FLG2: variants seen among roughly 807,000 people sequenced by gnomAD.
FLG2 encodes filaggrin-2.
In FLG2, 7 loss-of-function variants were observed where a neutral mutation model predicts 3.9. The ratio of observed to expected loss-of-function variants is 1.79; its 90% confidence interval spans 1.02 to 3.36. The LOEUF is 3.36. Ranked by LOEUF, FLG2 falls within the 30% of genes most tolerant of loss-of-function variation. The pLI is 0.00. For synonymous variants in FLG2, 1,031 were observed against 1,056.1 expected (o/e 0.98, Z 0.46); for missense variants, 2,700 against 2,809.4 (o/e 0.96, Z 0.88).
In FLG2 at chr1:152,356,183, C is replaced by T. The variant is rs1654222721; in HGVS notation, c.1603G>A (p.Glu535Lys). ...TAGCTAGACTGACGTGATCTAGACTCATGTTGTCCAAAACCAGAGGATTGT... is the reference window on the plus strand; with the variant it reads ...TAGCTAGACTGACGTGATCTAGACTTATGTTGTCCAAAACCAGAGGATTGT... ...SGQSSGFGQH[E>K]SRSRQSSYGQ... The change falls in exon 3 of 3, where the codon GAG (glutamate) becomes AAG (lysine). Residue 535 changes from glutamate (E) to lysine (K), a missense_variant. Transcript: ENST00000388718. 1.2e-6 allele frequency: 2 copies of T among 1,613,846 alleles called. No individual in the cohort carries two copies. Among genetic ancestry groups the T allele is most frequent in the South Asian group, 1.1e-5 (1 of 91,074 alleles).
Position 152,351,288 on chromosome 1 carries a change from T to A in FLG2, c.6498A>T (p.Thr2166=). The change falls in exon 3 of 3, where the codon ACA becomes ACT. Residue 2166 remains threonine, a synonymous_variant. Coordinates refer to ENST00000388718, the MANE Select transcript of FLG2 (RefSeq NM_001014342.3). ...RHGQSGHGQS[T]QTGSRTTGRQ... is the part of the protein sequence containing the mutation. The stretch of plus-strand genomic sequence containing the variant: ...TTCCAGTTGTCCTGGAACCTGTCTG[T>A]GTGGACTGTCCATGACCAGACTGGC... 6.2e-7 allele frequency: 1 copy of A among 1,614,052 alleles called. No individual in the cohort carries two copies. Among genetic ancestry groups the A allele is most frequent in the Non-Finnish European group, 8.5e-7 (1 of 1,180,004 alleles).
At position 152,356,375 on chromosome 1, in the gene FLG2, A is replaced by T. The variant is rs575227928; in HGVS notation, c.1411T>A (p.Ser471Thr). The change falls in exon 3 of 3, where the codon TCT becomes ACT. Residue 471 changes from serine (S) to threonine (T), a missense_variant. By Grantham distance (58) the Ser-to-Thr change is moderately conservative (BLOSUM62 1). Coordinates refer to ENST00000388718, the MANE Select transcript of FLG2 (RefSeq NM_001014342.3). ...AAGCCAGATGTCTTACCTGAGCTAG[A>T]CCCATGCTGGTCATAGCCCAAGGAT... ...SQSLGYDQHGSSSGKTSGFGQ... is the reference protein window; with the variant it reads ...SQSLGYDQHGTSSGKTSGFGQ... 7 of 1,614,188 alleles carry T rather than the reference A, an allele frequency of 4.3e-6. No individual in the cohort carries two copies. The African/African-American group carries it at 8.0e-5, about 18-fold the overall frequency.
In FLG2 at chr1:152,350,622, C is replaced by T; in HGVS notation, c.7164G>A (p.Leu2388=). 8 of 1,613,176 alleles carry T rather than the reference C, an allele frequency of 5.0e-6. No individual in the cohort carries two copies. Among genetic ancestry groups the T allele is most frequent in the Middle Eastern group, 1.7e-4 (1 of 6,056 alleles). ...TAGAAAATAACTGTCAATGTCTAGACAGTTGCTTGTTTGCAGTGCTGTCTG... is the reference window on the plus strand; with the variant it reads ...TAGAAAATAACTGTCAATGTCTAGATAGTTGCTTGTTTGCAGTGCTGTCTG... ...WSTDSTANKQ[L]SRH Residue 2388 remains leucine (L), a synonymous_variant, in exon 3 of 3, where the codon CTG becomes CTA. Transcript: ENST00000388718.
In FLG2 at chr1:152,350,614, T is replaced by C. The variant is rs746203149; in HGVS notation, c.7172A>G (p.His2391Arg). Residue 2391 changes from histidine (H) to arginine (R), a missense_variant, in exon 3 of 3, where the codon CAT becomes CGT. Transcript: ENST00000388718. ...GTCAGAACTAGAAAATAACTGTCAA[T>C]GTCTAGACAGTTGCTTGTTTGCAGT... Reference protein sequence around the residue: ...DSTANKQLSRH With the variant: ...DSTANKQLSRR The C allele has an allele frequency of 7.3e-5, 118 of 1,612,312 alleles. No homozygotes were observed. Among genetic ancestry groups the C allele is most frequent in the Non-Finnish European group, 9.8e-5 (116 of 1,179,208 alleles).
chr1:152,351,603 T>C lies in FLG2; in HGVS notation c.6183A>G (p.Ser2061=). The C allele has an allele frequency of 6.2e-7, 1 of 1,611,454 alleles. No homozygotes were observed. The highest frequency in any genetic ancestry group is 8.5e-7 in the Non-Finnish European group (1 of 1,179,456). The change falls in exon 3 of 3, where the codon TCA becomes TCG. Residue 2061 remains serine (S), a synonymous_variant. Transcript: ENST00000388718. ...HGQAGSQHGE[S]GSSVHERHGT... ...CGTGTCTCTCATGAACTGAGGATCC[T>C]GACTCTCCATGTTGAGATCCGGCTT...
At position 152,355,217 on chromosome 1, in the gene FLG2, C is replaced by A; in HGVS notation, c.2569G>T (p.Gly857Cys). 4 of 1,609,994 alleles carry A rather than the reference C, an allele frequency of 2.5e-6. No individual in the cohort carries two copies. Among genetic ancestry groups the A allele is most frequent in the Non-Finnish European group, 3.4e-6 (4 of 1,178,982 alleles). The change falls in exon 3 of 3, where the codon GGC becomes TGC. Residue 857 changes from glycine to cysteine, a missense_variant. Gly to Cys is a radical substitution (Grantham distance 159). Transcript: ENST00000388718. ...QHGSGSSQSS[G>C]YGQHGSSSGQ... ...GAACTTGACCCATGTTGACCATAGC[C>A]AGATGATTGACTTGAGCCAGAACCA... is the stretch of plus-strand genomic sequence containing the variant.
Position 152,353,024 on chromosome 1 carries a change from C to T in FLG2, c.4762G>A (p.Gly1588Ser), listed in dbSNP as rs1235255995. The T allele has an allele frequency of 6.2e-7, 1 of 1,613,068 alleles. No homozygotes were observed. The highest frequency in any genetic ancestry group is 1.7e-5 in the Admixed American group (1 of 59,946). ...ESTDSEVHSG[G>S]SHRPHSREHT... The stretch of plus-strand genomic sequence containing the variant: ...TCTCGTGAGTGTGGTCTGTGTGAGC[C>T]CCCTGAGTGCACTTCACTGTCAGTG... The change falls in exon 3 of 3, where the codon GGC becomes AGC. Residue 1588 changes from glycine to serine, a missense_variant. Transcript: ENST00000388718.
Position 152,353,318 on chromosome 1 carries a change from C to T in FLG2, c.4468G>A (p.Gly1490Arg). 1 of 1,613,156 alleles carries T rather than the reference C, an allele frequency of 6.2e-7. No individual in the cohort carries two copies. The highest frequency in any genetic ancestry group is 8.5e-7 in the Non-Finnish European group (1 of 1,179,864). ...CCCCTTCTTCCAGTTGTACTGGACC[C>T]TCTCTGTGTGGATTTTCCATGATGA... ...HYHHGKSTQR[G>R]SSTTGRRGSG... Residue 1490 changes from glycine (G) to arginine (R), a missense_variant, in exon 3 of 3, where the codon GGG becomes AGG. Physicochemically the swap from Gly to Arg is moderately radical, Grantham distance 125. Transcript: ENST00000388718.
rs150398186 is a variant in FLG2, at chr1:152,353,184, G to T, written c.4602C>A (p.Ser1534=). 110 of 1,612,898 alleles carry T rather than the reference G, an allele frequency of 6.8e-5. No individual in the cohort carries two copies. In the African/African-American group the frequency reaches 1.3e-3, roughly 19 times the overall value. ...QSGSQHGESE[S]IIHDRHRITH... ...TAATTCTGTGTCTGTCATGAATTAT[G>T]GATTCTGACTCTCCATGTTGAGATC... Residue 1534 remains serine, a synonymous_variant, in exon 3 of 3, where the codon TCC becomes TCA. Coordinates refer to ENST00000388718, the MANE Select transcript of FLG2 (RefSeq NM_001014342.3).
In FLG2 at chr1:152,354,664, T is replaced by C. The variant is rs148036681; in HGVS notation, c.3122A>G (p.His1041Arg). ...SSGQYSGFGQ[H>R]GSGSDQSSGF... Reference sequence around the variant, plus strand: ...AGAGGACTGATCTGAGCCTGATCCATGTTGTCCAAAGCCTGAGTATTGGCC... The same window carrying C: ...AGAGGACTGATCTGAGCCTGATCCACGTTGTCCAAAGCCTGAGTATTGGCC... Residue 1041 changes from histidine to arginine, a missense_variant, in exon 3 of 3, where the codon CAT becomes CGT. Physicochemically the swap from His to Arg is conservative, Grantham distance 29. Transcript: ENST00000388718. The C allele has an allele frequency of 4.6e-4, 737 of 1,614,102 alleles. 2 individuals are homozygous for C. In the East Asian group the frequency reaches 0.016, roughly 35 times the overall value.
In FLG2 at chr1:152,351,343, T is replaced by C. The variant is rs1403273115; in HGVS notation, c.6443A>G (p.His2148Arg). ...SAIHGRQGTI[H>R]GQTGDTTRHG... The stretch of plus-strand genomic sequence containing the variant: ...TCTAGTGGTATCTCCTGTCTGTCCA[T>C]GTATAGTTCCCTGTCTCCCGTGAAT... Residue 2148 changes from histidine (H) to arginine (R), a missense_variant, in exon 3 of 3, where the codon CAT (histidine) becomes CGT (arginine). Transcript: ENST00000388718. 2 of 1,613,870 alleles carry C rather than the reference T, an allele frequency of 1.2e-6. No individual in the cohort carries two copies. The highest frequency in any genetic ancestry group is 1.7e-6 in the Non-Finnish European group (2 of 1,179,954).
At position 152,357,468 on chromosome 1, in the gene FLG2, G is replaced by C; in HGVS notation, c.318C>G (p.His106Gln). The change falls in exon 3 of 3, where the codon CAC becomes CAG. Residue 106 changes from histidine to glutamine, a missense_variant. His to Gln is a conservative substitution (Grantham distance 24). Transcript: ENST00000388718. ...TTTCACTTTCTTCTTCTTGGTGTCG[G>C]TGACCACGCCTATGCTTCTTTGACC... The part of the protein sequence containing the change: ...ASGSKKHRRG[H>Q]RHQEEESETE... 2.5e-6 allele frequency: 4 copies of C among 1,614,024 alleles called. No individual in the cohort carries two copies. The highest frequency in any genetic ancestry group is 3.4e-6 in the Non-Finnish European group (4 of 1,180,022).
In FLG2 at chr1:152,351,981, A is replaced by G. The variant is rs775096165; in HGVS notation, c.5805T>C (p.Pro1935=). 3.5e-5 allele frequency: 57 copies of G among 1,613,254 alleles called. No individual in the cohort carries two copies. The highest frequency in any genetic ancestry group is 4.7e-5 in the Non-Finnish European group (56 of 1,179,816). Residue 1935 remains proline, a synonymous_variant, in exon 3 of 3, where the codon CCT becomes CCC. Coordinates refer to ENST00000388718, the MANE Select transcript of FLG2 (RefSeq NM_001014342.3). Reference sequence around the variant, plus strand: ...CTGTCTGTATGGTTTGTCCATGACTAGGGTGGCCATGTTCAGTGGTATCTC... The same window carrying G: ...CTGTCTGTATGGTTTGTCCATGACTGGGGTGGCCATGTTCAGTGGTATCTC... ...QTGDTTEHGH[P]SHGQTIQTGS...
At position 152,353,571 on chromosome 1, in the gene FLG2, A is replaced by T. The variant is rs1171409109; in HGVS notation, c.4215T>A (p.Gly1405=). 1 of 1,613,852 alleles carries T rather than the reference A, an allele frequency of 6.2e-7. No homozygotes were observed. The highest frequency in any genetic ancestry group is 8.5e-7 in the Non-Finnish European group (1 of 1,180,006). The change falls in exon 3 of 3, where the codon GGT becomes GGA. Residue 1405 remains glycine, a synonymous_variant. Coordinates refer to ENST00000388718, the MANE Select transcript of FLG2 (RefSeq NM_001014342.3). ...TGEATGHGHS[G]HGQSTQRGSR... ...ACCCTCTCTGTGTGGACTGTCCATG[A>T]CCAGAGTGGCCATGTCCAGTGGCCT...
At position 152,350,865 on chromosome 1, in the gene FLG2, A is replaced by T; in HGVS notation, c.6921T>A (p.His2307Gln). Residue 2307 changes from histidine to glutamine, a missense_variant, in exon 3 of 3, where the codon CAT becomes CAA. Physicochemically the swap from His to Gln is conservative, Grantham distance 24. Transcript: ENST00000388718. ...THGQTGDTTRHGHSGYGQSTQ... is the reference protein window; with the variant it reads ...THGQTGDTTRQGHSGYGQSTQ... ...TGGATTGTCCATAACCAGAATGGCC[A>T]TGTCTAGTGGTATCTCCTGTCTGTC... The T allele has an allele frequency of 1.2e-6, 2 of 1,614,118 alleles. No homozygotes were observed. Among genetic ancestry groups the T allele is most frequent in the Non-Finnish European group, 1.7e-6 (2 of 1,180,034 alleles).
rs768493604 is a variant in FLG2 at position 152,353,781 on chromosome 1, T to A, written c.4005A>T (p.Thr1335=). Reference sequence around the variant, plus strand: ...TCTGTCTTCCAGATGTTCTGGAACCTGTCTGTGTAGACTGTCCATGACCAG... The same window carrying A: ...TCTGTCTTCCAGATGTTCTGGAACCAGTCTGTGTAGACTGTCCATGACCAG... The part of the protein sequence containing the change: ...GHSGHGQSTQ[T]GSRTSGRQRF... Residue 1335 remains threonine (T), a synonymous_variant, in exon 3 of 3, where the codon ACA becomes ACT. Coordinates refer to ENST00000388718, the MANE Select transcript of FLG2 (RefSeq NM_001014342.3). 1 of 1,614,026 alleles carries A rather than the reference T, an allele frequency of 6.2e-7. No homozygotes were observed. Among genetic ancestry groups the A allele is most frequent in the African/African-American group, 1.3e-5 (1 of 74,928 alleles).
chr1:152,351,524 C>T lies in FLG2; in HGVS notation c.6262G>A (p.Gly2088Arg). 6.2e-7 allele frequency: 1 copy of T among 1,612,542 alleles called. No homozygotes were observed. Among genetic ancestry groups the T allele is most frequent in the Middle Eastern group, 1.7e-4 (1 of 6,054 alleles). ...CTTGACCCTCTCTGTGTGGACTGTCCATGACCAGAGTGAGCATGTCTAGTG... is the reference window on the plus strand; with the variant it reads ...CTTGACCCTCTCTGTGTGGACTGTCTATGACCAGAGTGAGCATGTCTAGTG... ...DTTRHAHSGH[G>R]QSTQRGSRTA... Residue 2088 changes from glycine (G) to arginine (R), a missense_variant, in exon 3 of 3, where the codon GGA (glycine) becomes AGA (arginine). Transcript: ENST00000388718.
chr1:152,350,740 T>C lies in FLG2; in HGVS notation c.7046A>G (p.Tyr2349Cys), dbSNP rs765472682. 3 of 1,614,230 alleles carry C rather than the reference T, an allele frequency of 1.9e-6. No homozygotes were observed. Among genetic ancestry groups the C allele is most frequent in the Non-Finnish European group, 2.5e-6 (3 of 1,180,028 alleles). Reference protein sequence around the residue: ...GSSQVWKHGSYGPAEYDYGHT... With the variant: ...GSSQVWKHGSCGPAEYDYGHT... ...CCCATAGTCATATTCTGCAGGTCCA[T>C]AGCTGCCATGTTTCCAAACCTGACT... Residue 2349 changes from tyrosine to cysteine, a missense_variant, in exon 3 of 3, where the codon TAT becomes TGT. Coordinates refer to ENST00000388718, the MANE Select transcript of FLG2 (RefSeq NM_001014342.3).
At position 152,353,903 on chromosome 1, in the gene FLG2, G is replaced by C; in HGVS notation, c.3883C>G (p.Gln1295Glu). The change falls in exon 3 of 3, where the codon CAA (glutamine) becomes GAA (glutamate). Residue 1295 changes from glutamine (Q) to glutamate (E), a missense_variant. Gln to Glu is a conservative substitution (Grantham distance 29). Transcript: ENST00000388718. Reference protein sequence around the residue: ...SHRHSEHIHTQAGSHYPKSGS... With the variant: ...SHRHSEHIHTEAGSHYPKSGS... Reference sequence around the variant, plus strand: ...GACTTTGGGTAGTGAGATCCAGCTTGTGTGTGAATGTGTTCTGAATGTCTG... The same window carrying C: ...GACTTTGGGTAGTGAGATCCAGCTTCTGTGTGAATGTGTTCTGAATGTCTG... 1.2e-6 allele frequency: 2 copies of C among 1,614,110 alleles called. No individual in the cohort carries two copies. Among genetic ancestry groups the C allele is most frequent in the East Asian group, 2.2e-5 (1 of 44,882 alleles).
Sources: gnomAD v4.1 joint callset for allele counts on GRCh38, gnomAD v4.1.1 for gene constraint, MANE v1.5 for transcripts, NCBI Gene and HGNC (gene_info 2026-07-23, HGNC 2026-07-21) for gene names.